The following ELMO1 variants were observed in gnomAD, a reference collection of about 807,000 sequenced individuals.
ELMO1 encodes engulfment and cell motility 1.
A neutral mutation model predicts 98.9 loss-of-function variants in ELMO1; 26 were observed. The observed-to-expected ratio is 0.26, with a 90% CI of 0.19 to 0.36. ELMO1 has a LOEUF of 0.36. Ranked by LOEUF, ELMO1 falls within the 10% of genes least tolerant of loss-of-function variation. The pLI is 1.00. For synonymous variants in ELMO1, 346 were observed against 346.0 expected (o/e 1.00, Z 0.00); for missense variants, 627 against 935.2 (o/e 0.67, Z 4.30).
chr7:37,405,853 C>T (rs1803735783), intron 1 of ELMO1, among the ~76,000 whole-genome samples: 1 of 152,160 alleles, frequency 6.6e-6, no homozygotes, highest in Admixed American at 6.5e-5. Context: ...CTCCGCTGGT[C>T]CCAACAGCTA....
At chr7:36,911,426 AAAATACACTTGGT>A (rs1348494472) in intron 16 of ELMO1, among the ~76,000 whole-genome samples, 1 of 152,222 alleles carries the variant, frequency 6.6e-6, no homozygotes, top group Non-Finnish European at 1.5e-5. Context: ...TTTCCAGTGT[AAAATACACTTGGT>A]AAATAAAAAG....
At chr7:37,102,840 A>G (rs1337571383) in intron 14 of ELMO1, among the ~76,000 whole-genome samples, 1 of 152,230 alleles carries the variant, frequency 6.6e-6, no homozygotes, top group Non-Finnish European at 1.5e-5. Flanking sequence ...ACCAATTCCT[A>G]TTGAAAACAG....
rs542184567 is a variant in ELMO1 at position 37,013,814 on chromosome 7, A to G, written c.1301-379T>C. The stretch of plus-strand genomic sequence containing the variant: ...AGGCACAGCTCCTCCGTCACCCTCA[A>G]TTTCCTCTTTCTTATCAGAATAACT... On this transcript the variant is annotated intron_variant, in intron 15 of 21. Transcript: ENST00000310758. Among the ~76,000 whole-genome samples, 3 of 152,240 alleles carry G rather than the reference A, an allele frequency of 2.0e-5. No individual in the cohort carries two copies. In the East Asian group the frequency reaches 5.8e-4, roughly 29 times the overall value.
At chr7:37,019,881 T>A (rs1032710010) in intron 15 of ELMO1, among the ~76,000 whole-genome samples, 3 of 152,226 alleles carry the variant, frequency 2.0e-5, no homozygotes, top group Non-Finnish European at 4.4e-5. Context: ...TCTCATTCAC[T>A]TATAAGCAAG....
chr7:37,365,680 C>T (rs896871730), intron 1 of ELMO1, among the ~76,000 whole-genome samples: 6 of 152,186 alleles, frequency 3.9e-5, no homozygotes, highest in Non-Finnish European at 7.3e-5. Context: ...GAAGAACTAA[C>T]CAATGCATTA....
rs1012785291 is a variant in ELMO1, at chr7:36,870,844, A to G, written c.1823-369T>C. ...ACAGTGATACTCATACTGATATTAC[A>G]GAGGGCTCCTGTGTGACAAGAGCAA... is the stretch of plus-strand genomic sequence containing the variant. On this transcript the variant is annotated intron_variant, in intron 19 of 21. Coordinates refer to ENST00000310758, the MANE Select transcript of ELMO1 (RefSeq NM_014800.11). This position sits in a 1 kb window ranked among gnomAD's most constrained non-coding sequence, Gnocchi z 4.4. Among the ~76,000 whole-genome samples, 1 of 152,240 alleles carries G rather than the reference A, an allele frequency of 6.6e-6. No individual in the cohort carries two copies. Among genetic ancestry groups the G allele is most frequent in the Admixed American group, 6.5e-5 (1 of 15,278 alleles).
At chr7:37,209,090 G>A (rs566643178) in intron 13 of ELMO1, among the ~76,000 whole-genome samples, 1 of 151,694 alleles carries the variant, frequency 6.6e-6, no homozygotes, top group South Asian at 2.1e-4. Context: ...GATACACCAA[G>A]ACTAAACTGT....
chr7:37,164,393 T>G (rs1789480186), intron 13 of ELMO1, among the ~76,000 whole-genome samples: 1 of 152,144 alleles, frequency 6.6e-6, no homozygotes, highest in Non-Finnish European at 1.5e-5. Flanking sequence ...TTTGGTGTTT[T>G]AGACATGAAG....
intron 18 of ELMO1, among the ~76,000 whole-genome samples, chr7:36,883,119 C>A (rs1183198971): frequency 1.3e-5 from 2 of 152,174 alleles, no homozygotes; most frequent in South Asian, 4.1e-4. Flanking sequence ...TAAGATATAC[C>A]AGCCTTGTTG....
chr7:36,899,684 C>CTTTTTTTTT (rs10522661), intron 16 of ELMO1, among the ~76,000 whole-genome samples: 3,701 of 63,546 alleles, frequency 0.058, 741 homozygotes, highest in Middle Eastern at 0.11. Flanking sequence ...CTTTACTCAT[C>CTTTTTTTTT]TTTTTTTTTT....
chr7:37,053,157 G>A (rs923644073), intron 15 of ELMO1, among the ~76,000 whole-genome samples: 1 of 151,986 alleles, frequency 6.6e-6, no homozygotes, highest in African/African-American at 2.4e-5. Flanking sequence ...TATGCACATG[G>A]CCAAAAATCA....
At chr7:37,233,227 G>C in intron 7 of ELMO1, 33 bp from the exon 8 acceptor site, 1 of 1,572,682 alleles carries the variant, frequency 6.4e-7, no homozygotes, top group Non-Finnish European at 8.6e-7. Flanking sequence ...AGAGTCAAGA[G>C]CCCCAAAGCT....
At chr7:37,086,012 C>T (rs1048873186) in intron 15 of ELMO1, among the ~76,000 whole-genome samples, 5 of 152,216 alleles carry the variant, frequency 3.3e-5, no homozygotes, top group African/African-American at 1.2e-4. Context: ...GACAGCAACA[C>T]CGTTGACCTG....
intron 15 of ELMO1, among the ~76,000 whole-genome samples, chr7:37,047,273 T>C (rs531704278): frequency 1.3e-5 from 2 of 152,312 alleles, no homozygotes; most frequent in African/African-American, 2.4e-5. Flanking sequence ...AAATCAGAAA[T>C]AGCTCATTAA....
At chr7:37,128,671 G>A (rs1786694136) in intron 14 of ELMO1, among the ~76,000 whole-genome samples, 1 of 152,076 alleles carries the variant, frequency 6.6e-6, no homozygotes, top group Non-Finnish European at 1.5e-5. Context: ...CTTTATAACT[G>A]TTAGGAGGAA....
At chr7:37,058,233 G>A (rs978103574) in intron 15 of ELMO1, among the ~76,000 whole-genome samples, 1 of 152,050 alleles carries the variant, frequency 6.6e-6, no homozygotes, top group Admixed American at 6.5e-5. Context: ...TGATTCTGTG[G>A]GCTGGTTTCA....
At chr7:37,348,164 G>C (rs915839291) in intron 1 of ELMO1, among the ~76,000 whole-genome samples, 7 of 152,158 alleles carry the variant, frequency 4.6e-5, no homozygotes, top group African/African-American at 1.4e-4. Context: ...GCTACCAGCA[G>C]TACTGAGCCT....
intron 16 of ELMO1, among the ~76,000 whole-genome samples, chr7:36,903,093 C>A (rs1783699953): frequency 6.6e-6 from 1 of 152,208 alleles, no homozygotes; most frequent in African/African-American, 2.4e-5. Flanking sequence ...CGTCTACCTG[C>A]CCATCTCACA....
intron 14 of ELMO1, among the ~76,000 whole-genome samples, chr7:37,106,969 C>T (rs181250973): frequency 4.7e-4 from 72 of 152,290 alleles, no homozygotes; most frequent in African/African-American, 1.7e-3. Context: ...ATGATGCTGA[C>T]GCTGCAAGTC....
Sources: gnomAD v4.1 joint callset for allele counts (sites outside exome capture counted in the v4.1 genomes callset) on GRCh38, gnomAD v4.1.1 for gene constraint, Gnocchi (gnomAD v3.1) non-coding constraint, MANE v1.5 for transcripts, NCBI Gene and HGNC (gene_info 2026-07-23, HGNC 2026-07-21) for gene names.